Variants in DEPDC5 observed in about 807,000 individuals in gnomAD.
The protein encoded by DEPDC5 is GATOR1 complex protein DEPDC5.
A neutral mutation model predicts 217.3 loss-of-function variants in DEPDC5; 73 were observed. That is an observed-to-expected ratio of 0.34 (90% CI 0.28 to 0.41). The LOEUF is 0.41. Among genes scored for constraint, DEPDC5 ranks in the 10% least tolerant of loss-of-function variants. DEPDC5 has a pLI of 1.00. For synonymous variants in DEPDC5, 733 were observed against 756.7 expected (o/e 0.97, Z 0.51); for missense variants, 1,675 against 2,070.1 (o/e 0.81, Z 3.70).
chr22:31,810,109 A>T (rs1568975417), intron 19 of DEPDC5, among the ~76,000 whole-genome samples: 4 of 152,172 alleles, frequency 2.6e-5, no homozygotes, highest in Non-Finnish European at 5.9e-5. Flanking sequence ...ATTACCTTGT[A>T]TTTTTTCCCG....
In DEPDC5 at chr22:31,792,746, T is replaced by A; in HGVS notation, c.696T>A (p.Asp232Glu). Residue 232 changes from aspartate to glutamate, a missense_variant and splice_region_variant, in exon 12 of 43, where the codon GAT becomes GAA. By Grantham distance (45) the Asp-to-Glu change is conservative. Coordinates refer to ENST00000651528, the MANE Select transcript of DEPDC5 (RefSeq NM_001242896.3). ...SRTFYDAKSV[D>E]EFPEINRASI... Reference sequence around the variant, plus strand: ...CATACTCCGTTTTCTCTATTTCAGATGAATTTCCTGAAATAAACCGAGCCT... The same window carrying A: ...CATACTCCGTTTTCTCTATTTCAGAAGAATTTCCTGAAATAAACCGAGCCT... 1 of 1,542,706 alleles carries A rather than the reference T, an allele frequency of 6.5e-7. No homozygotes were observed. The highest frequency in any genetic ancestry group is 8.7e-7 in the Non-Finnish European group (1 of 1,155,240).
intron 24 of DEPDC5, chr22:31,826,490 C>G (rs17761491): frequency 0.12 from 49,986 of 429,052 alleles, 3,348 homozygotes; most frequent in South Asian, 0.18. Context: ...ATAGGTTCCT[C>G]TCTATAGAAT....
intron 32 of DEPDC5, among the ~76,000 whole-genome samples, chr22:31,860,659 G>T (rs1293508980): frequency 6.6e-6 from 1 of 152,130 alleles, no homozygotes; most frequent in Non-Finnish European, 1.5e-5. Flanking sequence ...GTGAGTGCTT[G>T]TGTATCTGAC....
chr22:31,860,250 C>T (rs1480843722), intron 32 of DEPDC5, among the ~76,000 whole-genome samples: 1 of 152,212 alleles, frequency 6.6e-6, no homozygotes, highest in Admixed American at 6.5e-5. Context: ...CCAAGGAACA[C>T]TTCATGTTAG....
chr22:31,792,155 C>A, intron 11 of DEPDC5, 53 bp downstream of exon 11: 1 of 1,287,704 alleles, frequency 7.8e-7, no homozygotes, highest in Non-Finnish European at 1.1e-6. Context: ...TTCCCCCAAC[C>A]CCACCCCAGC....
chr22:31,851,139 C>G (rs962558857), intron 31 of DEPDC5, among the ~76,000 whole-genome samples: 59 of 152,106 alleles, frequency 3.9e-4, no homozygotes, highest in African/African-American at 1.4e-3. Context: ...CCACAGTGAG[C>G]TGGCACTTCA....
intron 30 of DEPDC5, 58 bp from the exon 31 acceptor site, chr22:31,846,776 G>A: frequency 6.2e-7 from 1 of 1,612,256 alleles, no homozygotes; most frequent in South Asian, 1.1e-5. Context: ...TGGGGCATGA[G>A]TGGCTTCCAC....
intron 16 of DEPDC5, 73 bp from the exon 17 acceptor site, chr22:31,804,769 A>C: frequency 6.7e-7 from 1 of 1,489,360 alleles, no homozygotes; most frequent in Non-Finnish European, 9.2e-7. Context: ...AACCTGAAAA[A>C]CAGAAAAGTT....
At chr22:31,885,916 C>T (rs111996270) in intron 38 of DEPDC5, among the ~76,000 whole-genome samples, 2,177 of 151,908 alleles carry the variant, frequency 0.014, 20 homozygotes, top group Middle Eastern at 0.031. Context: ...CACATGTAAC[C>T]CCAGCTACTC....
chr22:31,853,912 C>A (rs5998146), intron 31 of DEPDC5, among the ~76,000 whole-genome samples: 2,588 of 152,304 alleles, frequency 0.017, 23 homozygotes, highest in Middle Eastern at 0.034. Flanking sequence ...TGGGGAAAGC[C>A]TGCCAGCAAT....
chr22:31,819,516 T>C (rs2089480565), intron 22 of DEPDC5, among the ~76,000 whole-genome samples: 1 of 151,446 alleles, frequency 6.6e-6, no homozygotes, highest in South Asian at 2.1e-4. Flanking sequence ...TTGCCTAGGC[T>C]GGAGTGCAGT....
At chr22:31,832,638 A>G (rs552370532) in intron 24 of DEPDC5, among the ~76,000 whole-genome samples, 1 of 152,162 alleles carries the variant, frequency 6.6e-6, no homozygotes, top group African/African-American at 2.4e-5. Flanking sequence ...ACACAGGTGC[A>G]TGCCACCATG....
chr22:31,879,499 C>G, intron 37 of DEPDC5, 26 bp from the exon 38 acceptor site: 1 of 1,597,908 alleles, frequency 6.3e-7, no homozygotes, highest in Non-Finnish European at 8.5e-7. Context: ...GTTGAGTACT[C>G]CTTCTCTCCC....
At chr22:31,846,273 C>G (rs1041719842) in intron 30 of DEPDC5, among the ~76,000 whole-genome samples, 2 of 152,172 alleles carry the variant, frequency 1.3e-5, no homozygotes, top group African/African-American at 4.8e-5. Flanking sequence ...TAGCATAATG[C>G]CTTCTGATTC....
intron 8 of DEPDC5, among the ~76,000 whole-genome samples, chr22:31,782,283 G>A (rs2084533924): frequency 6.6e-6 from 1 of 151,936 alleles, no homozygotes; most frequent in African/African-American, 2.4e-5. Context: ...GATTATAGGC[G>A]CTCACCACCA....
At chr22:31,783,185 G>A (rs1404336795) in intron 8 of DEPDC5, among the ~76,000 whole-genome samples, 1 of 152,164 alleles carries the variant, frequency 6.6e-6, no homozygotes, top group Non-Finnish European at 1.5e-5. Context: ...GCAGGACATG[G>A]GTGTGGACAA....
At chr22:31,795,893 G>A (rs1350488377) in intron 12 of DEPDC5, among the ~76,000 whole-genome samples, 1 of 151,240 alleles carries the variant, frequency 6.6e-6, no homozygotes, top group Non-Finnish European at 1.5e-5. Flanking sequence ...ACCACACCTG[G>A]CTGATTTTGT....
intron 39 of DEPDC5, among the ~76,000 whole-genome samples, chr22:31,895,194 G>A (rs1487388122): frequency 6.6e-6 from 1 of 151,896 alleles, no homozygotes; most frequent in African/African-American, 2.4e-5. Context: ...GGGCAGGGTG[G>A]GTGCTACTGG....
rs549816844 is a variant in DEPDC5 at position 31,795,624 on chromosome 22, C to A, written c.768-1976C>A. On this transcript the variant is annotated intron_variant, in intron 12 of 42. Coordinates refer to ENST00000651528, the MANE Select transcript of DEPDC5 (RefSeq NM_001242896.3). The stretch of plus-strand genomic sequence containing the variant: ...GGCCAGGCTGGTCTCGAACTCCTGA[C>A]CTCAGGTGATCCGCCTGCCTTGGCC... Among the ~76,000 whole-genome samples the A allele has an allele frequency of 3.3e-4, 50 of 152,314 alleles. 1 individual carries two copies. In the South Asian group the frequency reaches 7.1e-3, roughly 21 times the overall value.
Sources: allele counts gnomAD v4.1 joint callset (sites outside exome capture counted in the v4.1 genomes callset), GRCh38; gene constraint gnomAD v4.1.1; transcripts MANE v1.5; gene names NCBI Gene and HGNC (gene_info 2026-07-23, HGNC 2026-07-21).